The following RIF1 variants were observed in gnomAD, a reference collection of about 807,000 sequenced individuals.
The protein encoded by RIF1 is telomere-associated protein RIF1.
A neutral mutation model predicts 247.1 loss-of-function variants in RIF1; 45 were observed. That is an observed-to-expected ratio of 0.18 (90% confidence interval 0.14 to 0.23). RIF1 has a LOEUF of 0.23. RIF1 is among the 10% of genes least tolerant of loss of function. RIF1 has a pLI of 1.00. For missense variants in RIF1, 2,967 were observed against 2,862.5 expected (o/e 1.04, Z -0.83); for synonymous variants, 1,087 against 978.8 (o/e 1.11, Z -2.06).
chr2:151,488,200 T>C (rs1233358308), intron 9 of RIF1, among the ~76,000 whole-genome samples: 1 of 152,144 alleles, frequency 6.6e-6, no homozygotes, highest in Non-Finnish European at 1.5e-5. Flanking sequence ...AATATTAATA[T>C]TTTTGTTATG....
intron 11 of RIF1, chr2:151,502,982 GT>G: frequency 1.4e-6 from 1 of 697,686 alleles, no homozygotes; most frequent in Non-Finnish European, 2.4e-6. Flanking sequence ...TGAGGAGGCA[GT>G]TTTTTAGTAA....
rs1574198123 is a variant in RIF1 at position 151,475,255 on chromosome 2, C to T, written c.*184C>T. Reference sequence around the variant, plus strand: ...TTTTGTAAGTTCATTATGTAAGATCCTTTTTTTTTTCATAATATGTATTCT... The same window carrying T: ...TTTTGTAAGTTCATTATGTAAGATCTTTTTTTTTTTCATAATATGTATTCT... On this transcript the variant is annotated 3_prime_UTR_variant, in exon 36 of 36. Transcript: ENST00000444746. The T allele has an allele frequency of 1.8e-5, 9 of 490,106 alleles. No homozygotes were observed. Among genetic ancestry groups the T allele is most frequent in the South Asian group, 5.2e-5 (2 of 38,512 alleles). 30.4% of individuals were successfully genotyped at this position (490,106 alleles called of 1,614,324 possible).
chr2:151,412,253 C>T (rs1212703034), intron 3 of RIF1, among the ~76,000 whole-genome samples: 1 of 17,828 alleles, frequency 5.6e-5, no homozygotes, highest in Non-Finnish European at 1.7e-3. Flanking sequence ...GAACTTTTAT[C>T]TCCAAAGTTT....
intron 9 of RIF1, chr2:151,495,144 A>G (rs958264636): frequency 2.0e-5 from 3 of 152,216 alleles, no homozygotes; most frequent in Non-Finnish European, 4.4e-5. Flanking sequence ...TTTGGCTCTT[A>G]TATCACTATC....
chr2:151,465,033 T>A lies in RIF1; in HGVS notation c.5513T>A (p.Ile1838Asn). The change falls in exon 30 of 36, where the codon ATT (isoleucine) becomes AAT (asparagine). Residue 1838 changes from isoleucine (I) to asparagine (N), a missense_variant. Ile to Asn is a moderately radical substitution (Grantham distance 149). Around this residue, in one of 7 missense-constraint regions of RIF1, gnomAD observed 2,028 missense variants for 1,825.6 expected, o/e 1.11. Transcript: ENST00000444746. The part of the protein sequence containing the change: ...PSGIVNFREE[I>N]CDMDSSEAMS... ...GGAATAGTAAACTTTAGAGAGGAAA[T>A]TTGTGATATGGATTCTAGTGAAGCA... 1 of 1,576,066 alleles carries A rather than the reference T, an allele frequency of 6.3e-7. No individual in the cohort carries two copies. The highest frequency in any genetic ancestry group is 8.5e-7 in the Non-Finnish European group (1 of 1,170,904).
At chr2:151,527,161 C>T in the RIF1 span, 2 of 644,920 alleles carry the variant, frequency 3.1e-6, no homozygotes, top group East Asian at 2.7e-5. Flanking sequence ...GCTTCTTGGT[C>T]CCTCACTGCA....
At chr2:151,437,813 A>C (rs940958536) in intron 13 of RIF1, among the ~76,000 whole-genome samples, 1 of 152,224 alleles carries the variant, frequency 6.6e-6, no homozygotes, top group African/African-American at 2.4e-5. Flanking sequence ...ATGTTAGTTC[A>C]TTTTACAAAT....
the RIF1 span, among the ~76,000 whole-genome samples, chr2:151,528,963 G>A: frequency 7.2e-5 from 11 of 152,174 alleles, no homozygotes; most frequent in Admixed American, 3.3e-4. Flanking sequence ...GCCACCCACC[G>A]CAAAAGCTGA....
intron 9 of RIF1, chr2:151,492,776 G>T: frequency 3.9e-6 from 1 of 255,086 alleles, no homozygotes; most frequent in Non-Finnish European, 7.5e-6. Flanking sequence ...AATTTGCTAG[G>T]AATTACAGCA....
At chr2:151,498,439 A>T (rs2061831913) in intron 10 of RIF1, 2 of 886,834 alleles carry the variant, frequency 2.3e-6, no homozygotes, top group Non-Finnish European at 3.5e-6. Context: ...GTGGGAAGGG[A>T]GGAAGAGAGT....
At chr2:151,527,661 G>A in the RIF1 span, 1 of 1,009,154 alleles carries the variant, frequency 9.9e-7, no homozygotes, top group Non-Finnish European at 1.5e-6. Flanking sequence ...GCACAGAGGG[G>A]CTCTTGCATT....
At position 151,446,550 on chromosome 2, in the gene RIF1, C is replaced by G. The variant is rs1333373066; in HGVS notation, c.2219C>G (p.Ser740Cys). ...CCEELSSKIM[S>C]SLEDEGFSNL... Reference sequence around the variant, plus strand: ...GAGGAACTTTCTTCCAAGATAATGTCCAGTTTGGAAGATGAAGGCTTTTCT... The same window carrying G: ...GAGGAACTTTCTTCCAAGATAATGTGCAGTTTGGAAGATGAAGGCTTTTCT... The change falls in exon 20 of 36, where the codon TCC (serine) becomes TGC (cysteine). Residue 740 changes from serine (S) to cysteine (C), a missense_variant. Physicochemically the swap from Ser to Cys is moderately radical, Grantham distance 112. Around this residue, in one of 7 missense-constraint regions of RIF1, gnomAD observed 2,028 missense variants for 1,825.6 expected, o/e 1.11. Coordinates refer to ENST00000444746, the MANE Select transcript of RIF1 (RefSeq NM_018151.5). 23 of 1,612,748 alleles carry G rather than the reference C, an allele frequency of 1.4e-5. No homozygotes were observed. Among genetic ancestry groups the G allele is most frequent in the Non-Finnish European group, 1.9e-5 (23 of 1,179,756 alleles).
chr2:151,420,980 T>C (rs1202501498), intron 7 of RIF1, among the ~76,000 whole-genome samples: 1 of 152,164 alleles, frequency 6.6e-6, no homozygotes, highest in Non-Finnish European at 1.5e-5. Context: ...GATTGACTCA[T>C]GTTTGGGTTG....
chr2:151,458,975 A>G (rs1466805694), intron 25 of RIF1, 65 bp downstream of exon 25: 2 of 933,522 alleles, frequency 2.1e-6, no homozygotes, highest in Non-Finnish European at 1.6e-6. Context: ...GAAAGTTATA[A>G]ATAAGTAGAA....
intron 4 of RIF1, 93 bp from the exon 5 acceptor site, chr2:151,416,468 G>C: frequency 8.8e-7 from 1 of 1,140,822 alleles, no homozygotes; most frequent in Admixed American, 2.5e-5. Context: ...TTAATTTTAT[G>C]ATTGATGAGT....
chr2:151,472,624 A>G (rs966663306), intron 34 of RIF1, among the ~76,000 whole-genome samples: 2 of 152,166 alleles, frequency 1.3e-5, no homozygotes, highest in African/African-American at 2.4e-5. Context: ...ATCTATTGAG[A>G]TAATCATGTG....
At chr2:151,511,173 C>T (rs2073979990), downstream of RIF1, among the ~76,000 whole-genome samples, 1 of 152,244 alleles carries the variant, frequency 6.6e-6, no homozygotes, top group Non-Finnish European at 1.5e-5. Context: ...GAGGCTCTCA[C>T]AGCCCAAAGA....
At chr2:151,524,580 A>G in the RIF1 span, 1 of 1,588,114 alleles carries the variant, frequency 6.3e-7, no homozygotes, top group Non-Finnish European at 8.6e-7. Context: ...ACTGTGGTGT[A>G]ATGCAGGTTC....
chr2:151,443,856 A>C (rs1419853681), intron 18 of RIF1, 147 bp downstream of exon 18: 3 of 492,276 alleles, frequency 6.1e-6, no homozygotes, highest in Non-Finnish European at 1.0e-5. Context: ...CTTTTGATTG[A>C]TTTTATTGCA....
Sources: gnomAD v4.1 joint callset for allele counts (sites outside exome capture counted in the v4.1 genomes callset) on GRCh38, gnomAD v4.1.1 for gene constraint, gnomAD v4.1.1 regional missense constraint, MANE v1.5 for transcripts, NCBI Gene and HGNC (gene_info 2026-07-23, HGNC 2026-07-21) for gene names.